Variants in TSPAN9 observed in about 807,000 individuals in gnomAD.
The protein encoded by TSPAN9 is tetraspanin-9.
In TSPAN9, 16 loss-of-function variants were observed where a neutral mutation model predicts 31.0. The ratio of observed to expected loss-of-function variants is 0.52; its 90% CI spans 0.35 to 0.78. The LOEUF (loss-of-function observed/expected upper bound fraction) is 0.78. TSPAN9 is among the 30% of genes least tolerant of loss of function. TSPAN9 has a pLI of 0.01. For missense variants in TSPAN9, 272 were observed against 312.5 expected (o/e 0.87, Z 0.98); for synonymous variants, 145 against 121.6 (o/e 1.19, Z -1.27).
chr12:3,243,475 C>T (rs2098397703), intron 3 of TSPAN9, among the ~76,000 whole-genome samples: 3 of 152,198 alleles, frequency 2.0e-5, no homozygotes, highest in Admixed American at 6.5e-5. Context: ...TGACTCAAGC[C>T]CCTCACTCTT....
chr12:3,277,227 T>C (rs1205931816), intron 3 of TSPAN9, among the ~76,000 whole-genome samples: 1 of 152,220 alleles, frequency 6.6e-6, no homozygotes, highest in African/African-American at 2.4e-5. Context: ...GGAGTCCTGT[T>C]TGGGTCTGTG....
chr12:3,184,235 A>C, intron 2 of TSPAN9, among the ~76,000 whole-genome samples: 1 of 151,968 alleles, frequency 6.6e-6, no homozygotes, highest in East Asian at 1.9e-4. Flanking sequence ...CCATCTCTAG[A>C]AAAAATACAA....
intron 2 of TSPAN9, among the ~76,000 whole-genome samples, chr12:3,139,920 C>T (rs879615187): frequency 1.9e-4 from 29 of 152,314 alleles, no homozygotes; most frequent in South Asian, 1.0e-3. Flanking sequence ...GGGCTCAGGC[C>T]GTTGCACCCA....
At chr12:3,141,509 G>A (rs1360052009) in intron 2 of TSPAN9, among the ~76,000 whole-genome samples, 1 of 152,166 alleles carries the variant, frequency 6.6e-6, no homozygotes, top group Non-Finnish European at 1.5e-5. Flanking sequence ...GCCAGCAGGA[G>A]TCCTGTGTCT....
chr12:3,253,211 A>C (rs1862285289), intron 3 of TSPAN9, among the ~76,000 whole-genome samples: 1 of 152,234 alleles, frequency 6.6e-6, no homozygotes, highest in Non-Finnish European at 1.5e-5. Flanking sequence ...TGCCCTAAGC[A>C]GGCCCGCGTT....
At chr12:3,127,281 C>T (rs71458035) in intron 2 of TSPAN9, among the ~76,000 whole-genome samples, 20,278 of 151,856 alleles carry the variant, frequency 0.13, 1,692 homozygotes, top group Middle Eastern at 0.22. Context: ...ACGGAGCTGT[C>T]GTCTCCTGTG....
intron 2 of TSPAN9, among the ~76,000 whole-genome samples, chr12:3,088,598 T>G (rs1457351519): frequency 6.6e-6 from 1 of 152,212 alleles, no homozygotes; most frequent in Non-Finnish European, 1.5e-5. Context: ...GAAGGTCTCC[T>G]GGACGGAGCA....
chr12:3,230,811 G>T (rs1346327116), intron 3 of TSPAN9, among the ~76,000 whole-genome samples: 1 of 152,162 alleles, frequency 6.6e-6, no homozygotes, highest in Non-Finnish European at 1.5e-5. Flanking sequence ...CCCCCGAGGA[G>T]ATATCAAGTT....
At chr12:3,207,523 G>A (rs1016411246) in intron 3 of TSPAN9, among the ~76,000 whole-genome samples, 13 of 152,158 alleles carry the variant, frequency 8.5e-5, no homozygotes, top group African/African-American at 3.1e-4. Flanking sequence ...ACAAGGTCGA[G>A]ATGTGGCTTC....
At chr12:3,112,801 G>T (rs954538975) in intron 2 of TSPAN9, among the ~76,000 whole-genome samples, 1 of 147,202 alleles carries the variant, frequency 6.8e-6, no homozygotes, top group Non-Finnish European at 1.5e-5. Flanking sequence ...TCCCATTTCA[G>T]ACTCCCCCGT....
chr12:3,198,441 GT>G (rs2098368659), intron 2 of TSPAN9, among the ~76,000 whole-genome samples: 1 of 83,886 alleles, frequency 1.2e-5, no homozygotes, highest in African/African-American at 5.1e-5. Context: ...ACCAGCACAG[GT>G]CACACCAGCA....
intron 2 of TSPAN9, among the ~76,000 whole-genome samples, chr12:3,165,449 C>G (rs899011787): frequency 6.6e-6 from 1 of 152,146 alleles, no homozygotes; most frequent in Non-Finnish European, 1.5e-5. Context: ...TGGAGATGAC[C>G]GCCAGGAAAT....
chr12:3,102,658 C>T (rs1472262478), intron 2 of TSPAN9, among the ~76,000 whole-genome samples: 2 of 151,990 alleles, frequency 1.3e-5, no homozygotes, highest in African/African-American at 2.4e-5. Flanking sequence ...AGGATGGTCT[C>T]GATCTCCTGA....
intron 3 of TSPAN9, among the ~76,000 whole-genome samples, chr12:3,208,527 C>T (rs1162052262): frequency 1.3e-5 from 2 of 152,174 alleles, no homozygotes; most frequent in Non-Finnish European, 1.5e-5. Flanking sequence ...GGTCACAGTG[C>T]GGGGCCCCCA....
chr12:3,262,675 A>G (rs1236949625), intron 3 of TSPAN9, among the ~76,000 whole-genome samples: 1 of 151,940 alleles, frequency 6.6e-6, no homozygotes, highest in South Asian at 2.1e-4. Context: ...ATCTGACTTA[A>G]GAGCCTCCCC....
At chr12:3,099,347 T>C (rs56299951) in intron 2 of TSPAN9, among the ~76,000 whole-genome samples, 30,720 of 152,186 alleles carry the variant, frequency 0.2, 3,901 homozygotes, top group South Asian at 0.38. Flanking sequence ...TCTGACATTG[T>C]ATTTCCCATT....
intron 2 of TSPAN9, among the ~76,000 whole-genome samples, chr12:3,181,283 C>T (rs1403514941): frequency 6.6e-6 from 1 of 152,106 alleles, no homozygotes; most frequent in Admixed American, 6.5e-5. Flanking sequence ...CGGAATCGGG[C>T]CCTGGACGTA....
chr12:3,275,340 G>A (rs951713188), intron 3 of TSPAN9, among the ~76,000 whole-genome samples: 4 of 152,180 alleles, frequency 2.6e-5, no homozygotes. Context: ...TGAGCTCTGG[G>A]GTCCTGCGTG....
At chr12:3,095,734 G>A (rs1277912842) in intron 2 of TSPAN9, among the ~76,000 whole-genome samples, 3 of 151,118 alleles carry the variant, frequency 2.0e-5, no homozygotes, top group East Asian at 1.9e-4. Context: ...CATCTCAGAC[G>A]ATGGGCGGCC....
Sources: allele counts gnomAD v4.1 joint callset (sites outside exome capture counted in the v4.1 genomes callset), GRCh38; gene constraint gnomAD v4.1.1; transcripts MANE v1.5; gene names NCBI Gene and HGNC (gene_info 2026-07-23, HGNC 2026-07-21).